OSBPL3: variants seen among roughly 807,000 people sequenced by gnomAD.
OSBPL3 encodes the protein oxysterol binding protein like 3, also known as oxysterol-binding protein-related protein 3.
A neutral mutation model predicts 120.1 loss-of-function variants in OSBPL3; 65 were observed. The observed-to-expected ratio is 0.54, with a 90% confidence interval of 0.44 to 0.67. The LOEUF (loss-of-function observed/expected upper bound fraction) is 0.67. Among genes scored for constraint, OSBPL3 ranks in the 30% least tolerant of loss-of-function variants. The probability of loss-of-function intolerance (pLI) is 0.00; values close to 1 mark genes in which losing one functional copy is unlikely to be tolerated. For missense variants in OSBPL3, 1,004 were observed against 1,082.1 expected (o/e 0.93, Z 1.01); for synonymous variants, 416 against 402.6 (o/e 1.03, Z -0.40).
intron 20 of OSBPL3, among the ~76,000 whole-genome samples, 168 bp from the exon 21 acceptor site, chr7:24,807,070 A>C (rs1437808733): frequency 6.6e-6 from 1 of 152,134 alleles, no homozygotes; most frequent in African/African-American, 2.4e-5. Context: ...TTTCTCTATA[A>C]ATTTTCTTCT....
Position 24,808,509 on chromosome 7 carries a change from G to C in OSBPL3, c.2317+1298C>G, listed in dbSNP as rs1793353218. ...ATGCATACTTTAAGCAAAGGAGACA[G>C]ACTGTGCCATTTGCAAAATCTCATG... On this transcript the variant is annotated intron_variant, in intron 20 of 22. Transcript: ENST00000313367. This position sits in a 1 kb window ranked among gnomAD's most constrained non-coding sequence, Gnocchi z 4.6. Among the ~76,000 whole-genome samples the C allele has an allele frequency of 6.6e-6, 1 of 152,208 alleles. No homozygotes were observed. Among genetic ancestry groups the C allele is most frequent in the African/African-American group, 2.4e-5 (1 of 41,464 alleles).
intron 14 of OSBPL3, among the ~76,000 whole-genome samples, chr7:24,837,351 G>A (rs2128188538): frequency 6.6e-6 from 1 of 151,988 alleles, no homozygotes; most frequent in East Asian, 1.9e-4. Flanking sequence ...CTACAGACAT[G>A]CTACACCACG....
intron 2 of OSBPL3, among the ~76,000 whole-genome samples, chr7:24,889,798 A>G (rs1805071734): frequency 6.6e-6 from 1 of 152,190 alleles, no homozygotes; most frequent in Non-Finnish European, 1.5e-5. Context: ...TGGAGGGGGA[A>G]GCCCCCACAC....
rs1329164802 is a variant in OSBPL3 at position 24,896,154 on chromosome 7, C to CA, written c.-149-3534dup. On this transcript the variant is annotated intron_variant, in intron 1 of 22. Transcript: ENST00000313367. The surrounding 1 kb of genome is among the most constrained non-coding windows in gnomAD (Gnocchi z 4.4). ...CCTAATGTCAGTGTTTGATGTGTGA[C>CA]AGAATTCGGTTTGGGATCTGCTTTT... is the stretch of plus-strand genomic sequence containing the variant. 2.0e-5 allele frequency among the ~76,000 whole-genome samples: 3 copies of CA among 152,194 alleles called. No individual in the cohort carries two copies. The highest frequency in any genetic ancestry group is 6.5e-5 in the Admixed American group (1 of 15,286).
chr7:24,880,764 A>C (rs977538709), intron 2 of OSBPL3, among the ~76,000 whole-genome samples: 3 of 152,156 alleles, frequency 2.0e-5, no homozygotes, highest in Non-Finnish European at 4.4e-5. Flanking sequence ...TTTGACTCCA[A>C]CTCATGAGCA....
At chr7:24,928,199 T>TG (rs1051752881) in intron 1 of OSBPL3, among the ~76,000 whole-genome samples, 2 of 150,340 alleles carry the variant, frequency 1.3e-5, no homozygotes, top group Non-Finnish European at 3.0e-5. Context: ...TTTTTGTTTT[T>TG]TTTTTTTTTT....
rs79969277 is a variant in OSBPL3, at chr7:24,912,599, G to A, written c.-149-19978C>T. On this transcript the variant is annotated intron_variant, in intron 1 of 22. Transcript: ENST00000313367. The surrounding 1 kb of genome is among the most constrained non-coding windows in gnomAD (Gnocchi z 4.5). ...CCAGCACAGAACAATGACAATCATA[G>A]CTCCTGAAAATGAGAAGCACCCAGT... Among the ~76,000 whole-genome samples the A allele has an allele frequency of 0.042, 6,367 of 152,280 alleles. 197 individuals are homozygous for A. The highest frequency in any genetic ancestry group is 0.064 in the Non-Finnish European group (4,334 of 68,026).
chr7:24,856,977 C>T (rs1799916038), intron 10 of OSBPL3, among the ~76,000 whole-genome samples: 1 of 152,144 alleles, frequency 6.6e-6, no homozygotes, highest in Non-Finnish European at 1.5e-5. Flanking sequence ...TCTAATTGCT[C>T]AGCACATTTA....
In OSBPL3 at chr7:24,937,805, A is replaced by G. The variant is rs1007295625; in HGVS notation, c.-150+42081T>C. On this transcript the variant is annotated intron_variant, in intron 1 of 22. Coordinates refer to ENST00000313367, the MANE Select transcript of OSBPL3 (RefSeq NM_015550.4). This position sits in a 1 kb window ranked among gnomAD's most constrained non-coding sequence, Gnocchi z 4.0. ...GCTCCCATCTTACATGTCTTTGCCCATACTTGGTGTAGTCAAACTATTTAA... is the reference window on the plus strand; with the variant it reads ...GCTCCCATCTTACATGTCTTTGCCCGTACTTGGTGTAGTCAAACTATTTAA... 1.3e-5 allele frequency among the ~76,000 whole-genome samples: 2 copies of G among 152,256 alleles called. No individual in the cohort carries two copies. Among genetic ancestry groups the G allele is most frequent in the African/African-American group, 2.4e-5 (1 of 41,466 alleles).
chr7:24,844,376 GATTT>G (rs945953389), intron 12 of OSBPL3, among the ~76,000 whole-genome samples: 7 of 147,514 alleles, frequency 4.7e-5, no homozygotes, highest in Admixed American at 6.8e-5. Context: ...TTTTTTTTGT[GATTT>G]TTTTTTTTTC....
At chr7:24,858,229 A>G (rs769503273) in intron 10 of OSBPL3, among the ~76,000 whole-genome samples, 116 of 152,354 alleles carry the variant, frequency 7.6e-4, no homozygotes, top group South Asian at 1.9e-3. Flanking sequence ...TAACAAGGTG[A>G]AGGTCGCAGA....
At chr7:24,874,063 C>T (rs1350342825) in intron 2 of OSBPL3, among the ~76,000 whole-genome samples, 2 of 152,180 alleles carry the variant, frequency 1.3e-5, no homozygotes, top group African/African-American at 4.8e-5. Flanking sequence ...ACCTGCTGTG[C>T]TGTGAATAGT....
intron 16 of OSBPL3, among the ~76,000 whole-genome samples, chr7:24,828,606 G>GAAAAAAGAAAAA (rs1491571662): frequency 3.1e-5 from 1 of 32,522 alleles, no homozygotes; most frequent in Non-Finnish European, 5.3e-5. Context: ...GACTCTGTCT[G>GAAAAAAGAAAAA]AAAAAAAAAA....
chr7:24,837,231 C>T (rs1336780932), intron 14 of OSBPL3, among the ~76,000 whole-genome samples: 1 of 152,126 alleles, frequency 6.6e-6, no homozygotes, highest in Non-Finnish European at 1.5e-5. Context: ...TAGGGTCTTT[C>T]TCAACAGGGT....
At chr7:24,934,718 T>C (rs908527983) in intron 1 of OSBPL3, among the ~76,000 whole-genome samples, 3 of 152,194 alleles carry the variant, frequency 2.0e-5, no homozygotes, top group African/African-American at 7.2e-5. Flanking sequence ...TTTCTGGAAA[T>C]ATTTCACCCT....
Position 24,863,109 on chromosome 7 carries a change from T to C in OSBPL3, c.870+91A>G. ...CAACTACAGAATATTCACTCATCTA[T>C]TCTCCTAGCTGAGTCAAGGTAGCTG... On this transcript the variant is annotated intron_variant, in intron 9 of 22. Transcript: ENST00000313367. This position sits in a 1 kb window ranked among gnomAD's most constrained non-coding sequence, Gnocchi z 5.8. The C allele has an allele frequency of 3.5e-6, 3 of 848,982 alleles. No individual in the cohort carries two copies. Among genetic ancestry groups the C allele is most frequent in the Non-Finnish European group, 6.1e-6 (3 of 489,160 alleles). The allele number at this position is 848,982 out of a possible 1,614,324, so 52.6% of individuals were successfully genotyped here.
intron 13 of OSBPL3, among the ~76,000 whole-genome samples, chr7:24,842,073 A>T (rs918113241): frequency 2.0e-5 from 3 of 152,084 alleles, no homozygotes; most frequent in African/African-American, 7.2e-5. Context: ...AAAATATCCA[A>T]TGCTCTCTAC....
intron 1 of OSBPL3, among the ~76,000 whole-genome samples, chr7:24,911,413 T>G (rs752222146): frequency 1.3e-5 from 2 of 152,176 alleles, no homozygotes; most frequent in Admixed American, 1.3e-4. Flanking sequence ...GAGCATGAAG[T>G]TTTAAAACTT....
rs1414835123 is a variant in OSBPL3, at chr7:24,922,172, A to G, written c.-149-29551T>C. ...ATTAACAGGATTGGCCTGGCCTCAG[A>G]AAAGACATTATTTAGGTGAGAAACA... On this transcript the variant is annotated intron_variant, in intron 1 of 22. Coordinates refer to ENST00000313367, the MANE Select transcript of OSBPL3 (RefSeq NM_015550.4). This position sits in a 1 kb window ranked among gnomAD's most constrained non-coding sequence, Gnocchi z 4.3. 6.6e-6 allele frequency among the ~76,000 whole-genome samples: 1 copy of G among 152,232 alleles called. No individual in the cohort carries two copies. Among genetic ancestry groups the G allele is most frequent in the Non-Finnish European group, 1.5e-5 (1 of 68,040 alleles).
Sources: allele counts gnomAD v4.1 joint callset (sites outside exome capture counted in the v4.1 genomes callset), GRCh38; gene constraint gnomAD v4.1.1; non-coding constraint Gnocchi (gnomAD v3.1); transcripts MANE v1.5; gene names NCBI Gene and HGNC (gene_info 2026-07-23, HGNC 2026-07-21).